GRIN3A: variants seen among roughly 807,000 people sequenced by gnomAD.
GRIN3A encodes the protein glutamate receptor ionotropic, NMDA 3A.
A neutral mutation model predicts 92.4 loss-of-function variants in GRIN3A; 47 were observed. The observed-to-expected ratio is 0.51, with a 90% CI of 0.40 to 0.65. The LOEUF (loss-of-function observed/expected upper bound fraction) is 0.65. Ranked by LOEUF, GRIN3A falls within the 30% of genes least tolerant of loss-of-function variation. The pLI is 0.00. For missense variants in GRIN3A, 1,324 were observed against 1,393.1 expected (o/e 0.95, Z 0.79); for synonymous variants, 527 against 540.6 (o/e 0.97, Z 0.35).
intron 6 of GRIN3A, among the ~76,000 whole-genome samples, chr9:101,587,954 A>C (rs1478812943): frequency 2.0e-5 from 3 of 152,118 alleles, no homozygotes; most frequent in Non-Finnish European, 4.4e-5. Context: ...CCTCCTGATT[A>C]TTTTGCCCAG....
intron 3 of GRIN3A, among the ~76,000 whole-genome samples, chr9:101,641,409 G>A (rs1828860761): frequency 6.6e-6 from 1 of 152,150 alleles, no homozygotes; most frequent in African/African-American, 2.4e-5. Context: ...ACGATAGATT[G>A]GATTAAGAAA....
Position 101,660,789 on chromosome 9 carries a change from C to T in GRIN3A, c.2352+9271G>A, listed in dbSNP as rs1829162898. On this transcript the variant is annotated intron_variant, in intron 3 of 8. Transcript: ENST00000361820. Reference sequence around the variant, plus strand: ...AACAGGGGTTTTTCTCCTATTTGTTCCACAGCATCTAGTATAAGAATGATT... The same window carrying T: ...AACAGGGGTTTTTCTCCTATTTGTTTCACAGCATCTAGTATAAGAATGATT... 2.0e-5 allele frequency among the ~76,000 whole-genome samples: 3 copies of T among 151,550 alleles called. No individual in the cohort carries two copies. The South Asian group carries it at 6.2e-4, about 31-fold the overall frequency.
chr9:101,697,324 T>C (rs1829697109), intron 1 of GRIN3A, among the ~76,000 whole-genome samples: 1 of 152,196 alleles, frequency 6.6e-6, no homozygotes, highest in Admixed American at 6.5e-5. Flanking sequence ...TGGTTGAAAG[T>C]AAAGAGACAT....
chr9:101,600,724 A>T (rs1409241247), intron 6 of GRIN3A: 4 of 152,418 alleles, frequency 2.6e-5, no homozygotes, highest in African/African-American at 9.6e-5. Flanking sequence ...TGGAGTAGGG[A>T]GGTCAAGGGA....
At chr9:101,678,443 C>G (rs116682963) in intron 2 of GRIN3A, among the ~76,000 whole-genome samples, 1 of 152,090 alleles carries the variant, frequency 6.6e-6, no homozygotes, top group Non-Finnish European at 1.5e-5. Context: ...AGGCCCTGCA[C>G]GCTATAATCC....
intron 6 of GRIN3A, chr9:101,594,608 C>T (rs1828087273): frequency 1.2e-6 from 2 of 1,614,070 alleles, no homozygotes; most frequent in Non-Finnish European, 1.7e-6. Flanking sequence ...GGAAATGTAG[C>T]CATCTTTATC....
chr9:101,709,893 A>G (rs557132241), intron 1 of GRIN3A, among the ~76,000 whole-genome samples: 3 of 152,350 alleles, frequency 2.0e-5, no homozygotes, highest in African/African-American at 4.8e-5. Flanking sequence ...GACTCAGAGA[A>G]TGATAGATGT....
At chr9:101,637,329 G>A (rs1454375262) in intron 3 of GRIN3A, among the ~76,000 whole-genome samples, 6 of 152,044 alleles carry the variant, frequency 3.9e-5, no homozygotes, top group African/African-American at 1.4e-4. Context: ...TCCTGACCTC[G>A]TGATCCACCC....
At position 101,670,378 on chromosome 9, in the gene GRIN3A, C is replaced by A; in HGVS notation, c.2034G>T (p.Trp678Cys). 1.2e-6 allele frequency: 2 copies of A among 1,614,014 alleles called. No homozygotes were observed. The highest frequency in any genetic ancestry group is 2.2e-5 in the South Asian group (2 of 91,078). Residue 678 changes from tryptophan to cysteine, a missense_variant, in exon 3 of 9, where the codon TGG (tryptophan) becomes TGT (cysteine). By Grantham distance (215) the Trp-to-Cys change is radical (BLOSUM62 -2). Transcript: ENST00000361820. ...AFMWPLHWTM[W>C]LGIFVALHIT... ...TGTGCAGAGCCACAAAAATCCCCAG[C>A]CACATTGTCCAGTGGAGTGGCCACA...
At chr9:101,629,279 AC>A (rs1828681022) in intron 3 of GRIN3A, among the ~76,000 whole-genome samples, 1 of 152,184 alleles carries the variant, frequency 6.6e-6, no homozygotes, top group African/African-American at 2.4e-5. Context: ...TTATACACAC[AC>A]ACACATACGC....
chr9:101,686,598 T>G lies in GRIN3A; in HGVS notation c.1302A>C (p.Ser434=), dbSNP rs944868200. ...TTNLTSGQYL[S]RFLANTTFRG... ...ATAACCGAGACCTTGCATCCTACCT[T>G]GATAAATATTGTCCTGAAGTGAGAT... Residue 434 remains serine, a splice_region_variant and synonymous_variant, in exon 2 of 9, where the codon TCA becomes TCC. Coordinates refer to ENST00000361820, the MANE Select transcript of GRIN3A (RefSeq NM_133445.3). 1 of 1,614,176 alleles carries G rather than the reference T, an allele frequency of 6.2e-7. No individual in the cohort carries two copies. The highest frequency in any genetic ancestry group is 8.5e-7 in the Non-Finnish European group (1 of 1,180,026).
intron 5 of GRIN3A, among the ~76,000 whole-genome samples, chr9:101,621,625 G>T (rs1325179835): frequency 1.3e-5 from 2 of 152,158 alleles, no homozygotes; most frequent in Non-Finnish European, 2.9e-5. Flanking sequence ...GTTGGGAACT[G>T]CAAGACACTA....
intron 1 of GRIN3A, among the ~76,000 whole-genome samples, chr9:101,713,659 T>C (rs940971109): frequency 2.6e-5 from 4 of 152,204 alleles, no homozygotes; most frequent in Non-Finnish European, 5.9e-5. Context: ...GAAGGGGATT[T>C]AGCTAGCACA....
At chr9:101,578,655 A>G (rs2118784315) in intron 7 of GRIN3A, among the ~76,000 whole-genome samples, 1 of 152,294 alleles carries the variant, frequency 6.6e-6, no homozygotes, top group Non-Finnish European at 1.5e-5. Context: ...TGCTTGAGTC[A>G]CCAGTCTGCT....
At chr9:101,600,128 A>G (rs572735113) in intron 6 of GRIN3A, among the ~76,000 whole-genome samples, 1 of 152,318 alleles carries the variant, frequency 6.6e-6, no homozygotes, top group South Asian at 2.1e-4. Context: ...TAAAACAAGG[A>G]TGATGATTAC....
At position 101,569,558 on chromosome 9, in the gene GRIN3A, C is replaced by T. The variant is rs995709114; in HGVS notation, c.*3616G>A. ...TTAAAATGAAGACACAATGCAAATA[C>T]TCTTCACAAACCTTAAGAAAATACT... On this transcript the variant is annotated 3_prime_UTR_variant, in exon 9 of 9. Transcript: ENST00000361820. 6.6e-6 allele frequency: 1 copy of T among 152,068 alleles called. No individual in the cohort carries two copies. Among genetic ancestry groups the T allele is most frequent in the Non-Finnish European group, 1.5e-5 (1 of 68,012 alleles). 9.4% of individuals were successfully genotyped at this position (152,068 alleles called of 1,614,324 possible).
At chr9:101,643,067 C>A (rs1344983087) in intron 3 of GRIN3A, among the ~76,000 whole-genome samples, 3 of 152,100 alleles carry the variant, frequency 2.0e-5, no homozygotes, top group African/African-American at 4.8e-5. Flanking sequence ...AACCATCCTT[C>A]CCCACCATCT....
chr9:101,633,343 T>A (rs151250749), intron 3 of GRIN3A, among the ~76,000 whole-genome samples: 3 of 152,202 alleles, frequency 2.0e-5, no homozygotes, highest in Non-Finnish European at 4.4e-5. Context: ...TAGGATATAG[T>A]ATGTATTGAA....
intron 1 of GRIN3A, among the ~76,000 whole-genome samples, chr9:101,695,020 G>A (rs927380456): frequency 2.0e-5 from 3 of 152,140 alleles, no homozygotes; most frequent in Non-Finnish European, 2.9e-5. Context: ...AATTATATAT[G>A]TGAGACCTTG....
Sources: gnomAD v4.1 joint callset for allele counts (sites outside exome capture counted in the v4.1 genomes callset) on GRCh38, gnomAD v4.1.1 for gene constraint, MANE v1.5 for transcripts, NCBI Gene and HGNC (gene_info 2026-07-23, HGNC 2026-07-21) for gene names.